LAMA1: variants seen among roughly 807,000 people sequenced by gnomAD.
LAMA1 encodes laminin subunit alpha 1.
A neutral mutation model predicts 348.7 loss-of-function variants in LAMA1; 219 were observed. The ratio of observed to expected loss-of-function variants is 0.63; its 90% CI spans 0.56 to 0.70. LAMA1 has a LOEUF of 0.70. LAMA1 is among the 30% of genes least tolerant of loss of function. The pLI is 0.00. For synonymous variants in LAMA1, 1,487 were observed against 1,491.0 expected, an observed-to-expected ratio of 1.00 and a Z score of 0.06; for missense variants, 3,744 against 3,888.0, an observed-to-expected ratio of 0.96 and a Z score of 0.99.
chr18:7,027,556 A>G (rs1208243272), intron 16 of LAMA1, among the ~76,000 whole-genome samples: 5 of 146,544 alleles, frequency 3.4e-5, no homozygotes, highest in Non-Finnish European at 7.4e-5. Context: ...AACAAAAAAA[A>G]GCGATCCACA....
At position 7,104,404 on chromosome 18, in the gene LAMA1, G is replaced by A. The variant is rs530420558; in HGVS notation, c.61+13256C>T. Among the ~76,000 whole-genome samples, 5 of 152,238 alleles carry A rather than the reference G, an allele frequency of 3.3e-5. No individual in the cohort carries two copies. In the South Asian group the frequency reaches 1.0e-3, roughly 32 times the overall value. ...CATAACAAATATAGGCAAAACTCTCGGCCCTTAAGGAGAGACAGGCAAGTC... is the reference window on the plus strand; with the variant it reads ...CATAACAAATATAGGCAAAACTCTCAGCCCTTAAGGAGAGACAGGCAAGTC... On this transcript the variant is annotated intron_variant, in intron 1 of 62. Coordinates refer to ENST00000389658, the MANE Select transcript of LAMA1 (RefSeq NM_005559.4).
At position 7,008,511 on chromosome 18, in the gene LAMA1, C is replaced by T; in HGVS notation, c.4099G>A (p.Gly1367Ser). Reference protein sequence around the residue: ...SLLENCVCPPGTVGFSCQDCA... With the variant: ...SLLENCVCPPSTVGFSCQDCA... The stretch of plus-strand genomic sequence containing the variant: ...ACCTGACATGAGAATCCCACAGTGC[C>T]AGGAGGACAGACACAATTCTCTAAA... Residue 1367 changes from glycine to serine, a missense_variant, in exon 28 of 63, where the codon GGC becomes AGC. Coordinates refer to ENST00000389658, the MANE Select transcript of LAMA1 (RefSeq NM_005559.4). 6.2e-7 allele frequency: 1 copy of T among 1,614,074 alleles called. No individual in the cohort carries two copies.
rs372657948 is a variant in LAMA1, at chr18:7,013,821, A to C, written c.3357T>G (p.Pro1119=). Residue 1119 remains proline (P), a synonymous_variant, in exon 23 of 63, where the codon CCT becomes CCG. Coordinates refer to ENST00000389658, the MANE Select transcript of LAMA1 (RefSeq NM_005559.4). ...CGCVEETGAC[P]CKENVFGPQC... Reference sequence around the variant, plus strand: ...GAGGATGGATGGTAAATACCTTGCAAGGGCAGGCCCCGGTTTCCTCCACAC... The same window carrying C: ...GAGGATGGATGGTAAATACCTTGCACGGGCAGGCCCCGGTTTCCTCCACAC... 4 of 1,611,256 alleles carry C rather than the reference A, an allele frequency of 2.5e-6. No individual in the cohort carries two copies. The African/African-American group carries it at 5.3e-5, about 22-fold the overall frequency.
At chr18:7,044,973 G>A (rs2058036141) in intron 6 of LAMA1, 134 bp from the exon 7 acceptor site, 4 of 752,268 alleles carry the variant, frequency 5.3e-6, no homozygotes, top group African/African-American at 1.7e-5. Context: ...TATCATCAAA[G>A]CAAACTGGCA....
At chr18:7,090,395 C>A (rs1361562405) in intron 1 of LAMA1, among the ~76,000 whole-genome samples, 2 of 151,982 alleles carry the variant, frequency 1.3e-5, no homozygotes, top group Admixed American at 6.6e-5. Context: ...ATCTCTAACA[C>A]CTGGGAGTAT....
At chr18:6,998,253 G>A (rs1170300715) in intron 32 of LAMA1, among the ~76,000 whole-genome samples, 1 of 152,160 alleles carries the variant, frequency 6.6e-6, no homozygotes, top group Non-Finnish European at 1.5e-5. Flanking sequence ...AAAACAGCAG[G>A]GGGAAGAGGG....
intron 3 of LAMA1, among the ~76,000 whole-genome samples, chr18:7,072,846 C>T (rs748023): frequency 0.14 from 20,838 of 152,028 alleles, 4,719 homozygotes; most frequent in African/African-American, 0.47. Flanking sequence ...TGCTCCCTGA[C>T]GGCGACACTA....
At chr18:7,009,209 A>G (rs752777116) in intron 27 of LAMA1, 30 bp downstream of exon 27, 20 of 1,613,728 alleles carry the variant, frequency 1.2e-5, no homozygotes, top group Middle Eastern at 1.6e-4. Flanking sequence ...ATATGAAAAT[A>G]ACGGTCAAAA....
intron 3 of LAMA1, among the ~76,000 whole-genome samples, chr18:7,073,995 C>A (rs759208251): frequency 6.6e-6 from 1 of 152,110 alleles, no homozygotes; most frequent in Non-Finnish European, 1.5e-5. Context: ...CCACCACGCC[C>A]GGCTAATTTT....
chr18:7,015,647 A>T, intron 22 of LAMA1, 75 bp downstream of exon 22: 1 of 1,554,580 alleles, frequency 6.4e-7, no homozygotes, highest in Non-Finnish European at 8.8e-7. Flanking sequence ...CAGAAAATAT[A>T]TAGAAGAACA....
intron 3 of LAMA1, among the ~76,000 whole-genome samples, chr18:7,078,417 T>C (rs1032998722): frequency 2.0e-4 from 31 of 151,842 alleles, no homozygotes; most frequent in African/African-American, 6.5e-4. Flanking sequence ...CCACCCGCCT[T>C]GGCCTCCCAA....
intron 8 of LAMA1, chr18:7,042,584 T>C: frequency 3.2e-6 from 1 of 309,308 alleles, no homozygotes; most frequent in Non-Finnish European, 6.3e-6. Context: ...ATCAAGTCAA[T>C]TAAAGATTGG....
chr18:6,957,341 T>TAATG, intron 55 of LAMA1: 1 of 117,888 alleles, frequency 8.5e-6, no homozygotes, highest in Non-Finnish European at 1.8e-5. Flanking sequence ...TGAGGATGCC[T>TAATG]CATGAATGAA....
intron 8 of LAMA1, chr18:7,042,692 G>C (rs1206019831): frequency 4.6e-6 from 1 of 218,490 alleles, no homozygotes; most frequent in Admixed American, 5.3e-5. Flanking sequence ...AGACCATCCT[G>C]GCCGACATGG....
rs767513459 is a variant in LAMA1 at position 6,949,226 on chromosome 18, T to C, written c.8431A>G (p.Ile2811Val). Residue 2811 changes from isoleucine to valine, a missense_variant, in exon 59 of 63, where the codon ATA becomes GTA. Physicochemically the swap from Ile to Val is conservative, Grantham distance 29 (BLOSUM62 3). Coordinates refer to ENST00000389658, the MANE Select transcript of LAMA1 (RefSeq NM_005559.4). ...GGAGACTCTCGGCCGTCGACAGTTA[T>C]GAAGCCTTTTCTTTTAACATAGTCT... The part of the protein sequence containing the change: ...KTDYVKRKGF[I>V]TVDGRESPMV... 14 of 1,614,114 alleles carry C rather than the reference T, an allele frequency of 8.7e-6. No homozygotes were observed. The highest frequency in any genetic ancestry group is 2.2e-5 in the East Asian group (1 of 44,900).
At chr18:6,964,844 C>A in intron 50 of LAMA1, 41 bp from the exon 51 acceptor site, 1 of 1,611,394 alleles carries the variant, frequency 6.2e-7, no homozygotes, top group Non-Finnish European at 8.5e-7. Context: ...AAAGGAAAAT[C>A]CCTTTCCATG....
chr18:7,115,911 G>A (rs1329994680), intron 1 of LAMA1, among the ~76,000 whole-genome samples: 1 of 151,874 alleles, frequency 6.6e-6, no homozygotes, highest in Non-Finnish European at 1.5e-5. Context: ...CCCGGGAGGC[G>A]GAGGTCGCAG....
chr18:7,055,817 C>T (rs2058079292), intron 3 of LAMA1, among the ~76,000 whole-genome samples: 2 of 151,624 alleles, frequency 1.3e-5, no homozygotes, highest in Non-Finnish European at 2.9e-5. Flanking sequence ...CGTGGTGGCT[C>T]GCACCTGTAA....
At chr18:7,099,490 A>C (rs2058282431) in intron 1 of LAMA1, among the ~76,000 whole-genome samples, 1 of 137,624 alleles carries the variant, frequency 7.3e-6, no homozygotes, top group South Asian at 2.4e-4. Context: ...TTAAAAAAAA[A>C]CAAAAAAAAA....
Sources: gnomAD v4.1 joint callset for allele counts (sites outside exome capture counted in the v4.1 genomes callset) on GRCh38, gnomAD v4.1.1 for gene constraint, MANE v1.5 for transcripts, NCBI Gene and HGNC (gene_info 2026-07-23, HGNC 2026-07-21) for gene names.